The following MTUS1 variants were observed in gnomAD, a reference collection of about 807,000 sequenced individuals.
MTUS1 encodes microtubule-associated tumor suppressor 1.
In MTUS1, 109 loss-of-function variants were observed where a neutral mutation model predicts 120.8. The observed-to-expected ratio is 0.90, with a 90% CI of 0.77 to 1.06. The LOEUF (loss-of-function observed/expected upper bound fraction) is 1.06, where lower values mean the gene tolerates loss of function less well. Ranked by LOEUF, MTUS1 falls within the 50% of genes least tolerant of loss-of-function variation. The probability of loss-of-function intolerance (pLI) is 0.00; values close to 1 mark genes in which losing one functional copy is unlikely to be tolerated. For missense variants in MTUS1, 2,210 were observed against 1,486.3 expected (o/e 1.49, Z -8.01); for synonymous variants, 737 against 550.5 (o/e 1.34, Z -4.74).
At chr8:17,742,842 T>C (rs189355845) in intron 3 of MTUS1, among the ~76,000 whole-genome samples, 1 of 152,342 alleles carries the variant, frequency 6.6e-6, no homozygotes, top group Non-Finnish European at 1.5e-5. Context: ...CACATAACTA[T>C]TTGTATAAGG....
intron 1 of MTUS1, among the ~76,000 whole-genome samples, chr8:17,766,952 G>C (rs796770729): frequency 1.1e-4 from 16 of 152,102 alleles, no homozygotes; most frequent in African/African-American, 3.9e-4. Flanking sequence ...TTAGTAGGTA[G>C]ACTGAATTGA....
At chr8:17,712,388 G>A (rs1821487001) in intron 6 of MTUS1, among the ~76,000 whole-genome samples, 1 of 151,920 alleles carries the variant, frequency 6.6e-6, no homozygotes, top group African/African-American at 2.4e-5. Context: ...CCAGGCTGGA[G>A]TGCAGTGGTG....
intron 7 of MTUS1, among the ~76,000 whole-genome samples, chr8:17,677,225 T>C (rs1180309357): frequency 6.6e-6 from 1 of 152,184 alleles, no homozygotes; most frequent in Non-Finnish European, 1.5e-5. Flanking sequence ...AACATAAAAA[T>C]ATGTATCATA....
chr8:17,707,967 G>T (rs1820494320), intron 6 of MTUS1, among the ~76,000 whole-genome samples: 1 of 152,108 alleles, frequency 6.6e-6, no homozygotes, highest in South Asian at 2.1e-4. Flanking sequence ...AAATGAATCA[G>T]AAACCTAACT....
intron 12 of MTUS1, 136 bp from the exon 13 acceptor site, chr8:17,650,098 AAG>A (rs1806668536): frequency 2.9e-6 from 2 of 683,538 alleles, no homozygotes; most frequent in Non-Finnish European, 5.2e-6. Flanking sequence ...ATTTCAAAGA[AAG>A]AGGTGAAAAA....
chr8:17,736,636 G>A (rs146547468), intron 3 of MTUS1, among the ~76,000 whole-genome samples: 1 of 152,122 alleles, frequency 6.6e-6, no homozygotes, highest in Non-Finnish European at 1.5e-5. Context: ...CCAGGCTGGA[G>A]TGCAGTGGTG....
intron 1 of MTUS1, among the ~76,000 whole-genome samples, chr8:17,798,824 A>G (rs2052461025): frequency 6.6e-6 from 1 of 152,228 alleles, no homozygotes; most frequent in South Asian, 2.1e-4. Flanking sequence ...AATGGCAAAG[A>G]TTTACTATCA....
intron 6 of MTUS1, among the ~76,000 whole-genome samples, chr8:17,686,064 A>G (rs757461237): frequency 3.3e-5 from 5 of 152,270 alleles, no homozygotes; most frequent in Non-Finnish European, 5.9e-5. Flanking sequence ...GTCACATAAC[A>G]CATAACAATT....
chr8:17,787,963 T>C (rs1384174274), intron 1 of MTUS1, among the ~76,000 whole-genome samples: 3 of 152,014 alleles, frequency 2.0e-5, no homozygotes, highest in African/African-American at 4.8e-5. Context: ...GCACTAAAAA[T>C]ACAAAAAATT....
intron 10 of MTUS1, chr8:17,654,306 G>A (rs1051241308): frequency 1.3e-4 from 65 of 483,512 alleles, no homozygotes; most frequent in Middle Eastern, 1.1e-3. Flanking sequence ...AACCACCACC[G>A]CCAAAATGGC....
intron 3 of MTUS1, among the ~76,000 whole-genome samples, chr8:17,742,385 G>T (rs916301505): frequency 6.7e-6 from 1 of 150,274 alleles, no homozygotes; most frequent in South Asian, 2.1e-4. Context: ...AAAGCACTGG[G>T]ATTTCAGGCA....
rs116280670 is a variant in MTUS1 at position 17,783,450 on chromosome 8, G to C, written c.-155+17611C>G. Among the ~76,000 whole-genome samples the C allele has an allele frequency of 2.8e-3, 421 of 152,320 alleles. 2 individuals are homozygous for C. Among genetic ancestry groups the C allele is most frequent in the African/African-American group, 9.6e-3 (400 of 41,576 alleles). On this transcript the variant is annotated intron_variant, in intron 1 of 14. Coordinates refer to ENST00000693296, the MANE Select transcript of MTUS1 (RefSeq NM_001363059.2). ...GCCGCTATTTGCCTTTCTTAGATGG[G>C]AGTGTAGGAAGAGGGAGCATACCAG...
upstream of MTUS1, chr8:17,801,199 G>A (rs2052656193): frequency 6.6e-6 from 1 of 151,558 alleles, no homozygotes; most frequent in African/African-American, 2.4e-5. Context: ...CGCGCGGCGC[G>A]GCACCACCCC....
chr8:17,711,872 T>A (rs1193220097), intron 6 of MTUS1, among the ~76,000 whole-genome samples: 1 of 152,154 alleles, frequency 6.6e-6, no homozygotes, highest in East Asian at 1.9e-4. Flanking sequence ...TTATTGTGTC[T>A]CAGGGAATAA....
intron 7 of MTUS1, 115 bp from the exon 8 acceptor site, chr8:17,675,367 T>A: frequency 1.3e-6 from 1 of 759,908 alleles, no homozygotes; most frequent in Non-Finnish European, 2.1e-6. Flanking sequence ...AAGATATGAA[T>A]CATTTAGGCT....
chr8:17,798,967 T>C (rs890808470), intron 1 of MTUS1, among the ~76,000 whole-genome samples: 4 of 152,062 alleles, frequency 2.6e-5, no homozygotes, highest in African/African-American at 4.8e-5. Flanking sequence ...ATCAAAGAAA[T>C]TGAAGTTTAA....
At chr8:17,700,250 C>T (rs1162476257) in intron 6 of MTUS1, among the ~76,000 whole-genome samples, 6 of 151,830 alleles carry the variant, frequency 4.0e-5, no homozygotes, top group African/African-American at 1.2e-4. Context: ...GGTGGGATCA[C>T]CTGAGGTCAG....
At chr8:17,734,994 G>C (rs2046829244) in intron 3 of MTUS1, among the ~76,000 whole-genome samples, 1 of 151,938 alleles carries the variant, frequency 6.6e-6, no homozygotes, top group Non-Finnish European at 1.5e-5. Context: ...GCTCACTGTA[G>C]ACTCAAATTT....
At chr8:17,762,424 CCTA>C in intron 1 of MTUS1, among the ~76,000 whole-genome samples, 1 of 152,308 alleles carries the variant, frequency 6.6e-6, no homozygotes, top group East Asian at 1.9e-4. Context: ...GCCTCAACTT[CCTA>C]CTATTTTTCA....
Sources: allele counts gnomAD v4.1 joint callset (sites outside exome capture counted in the v4.1 genomes callset), GRCh38; gene constraint gnomAD v4.1.1; transcripts MANE v1.5; gene names NCBI Gene and HGNC (gene_info 2026-07-23, HGNC 2026-07-21).